The following CTBS variants were observed in gnomAD, a reference collection of about 807,000 sequenced individuals.
CTBS encodes the protein di-N-acetylchitobiase.
A neutral mutation model predicts 44.3 loss-of-function variants in CTBS; 35 were observed. The observed-to-expected ratio is 0.79, with a 90% CI of 0.60 to 1.05. The LOEUF (loss-of-function observed/expected upper bound fraction) is 1.05. CTBS is among the 50% of genes least tolerant of loss of function. CTBS has a pLI of 0.00. For missense variants in CTBS, 458 were observed against 475.3 expected (o/e 0.96, Z 0.34); for synonymous variants, 143 against 168.0 (o/e 0.85, Z 1.15).
At chr1:84,573,440 C>T (rs1647373591) in intron 1 of CTBS, among the ~76,000 whole-genome samples, 1 of 152,226 alleles carries the variant, frequency 6.6e-6, no homozygotes, top group Admixed American at 6.5e-5. Flanking sequence ...GCAGGTTCTC[C>T]ATAAACACTT....
intron 3 of CTBS, among the ~76,000 whole-genome samples, chr1:84,569,054 C>G (rs1403074655): frequency 6.6e-6 from 1 of 152,160 alleles, no homozygotes; most frequent in Non-Finnish European, 1.5e-5. Flanking sequence ...TCAGGTAATT[C>G]TGAGACAGGT....
intron 6 of CTBS, among the ~76,000 whole-genome samples, chr1:84,560,131 A>C (rs1684563776): frequency 6.7e-6 from 1 of 149,670 alleles, no homozygotes; most frequent in Non-Finnish European, 1.5e-5. Flanking sequence ...GAAAGAAAGA[A>C]AGGAAAGAAA....
intron 6 of CTBS, among the ~76,000 whole-genome samples, chr1:84,556,986 A>G (rs1394293946): frequency 5.3e-5 from 8 of 152,210 alleles, no homozygotes; most frequent in Non-Finnish European, 1.0e-4. Flanking sequence ...ATACCTTTGA[A>G]TTTTGCCATC....
At position 84,549,625 on chromosome 1, in the gene CTBS, T is replaced by C. The variant is rs920299318; in HGVS notation, c.*5374A>G. ...ACAGCCTTGAATCAGAGACATGAAG[T>C]TTATTTTATTATTAATTCCACCATA... On this transcript the variant is annotated 3_prime_UTR_variant, in exon 7 of 7. Transcript: ENST00000370630. 8 of 152,062 alleles carry C rather than the reference T, an allele frequency of 5.3e-5. No individual in the cohort carries two copies. The highest frequency in any genetic ancestry group is 1.9e-4 in the African/African-American group (8 of 41,384). 9.4% of individuals were successfully genotyped at this position (152,062 alleles called of 1,614,324 possible).
rs1570471656 is a variant in CTBS at position 84,563,436 on chromosome 1, C to T, written c.796-18G>A. ...ACATGATCCTAGAAATGCAAAAGTGCTCATGTTATATATTATCAATTATGC... is the reference window on the plus strand; with the variant it reads ...ACATGATCCTAGAAATGCAAAAGTGTTCATGTTATATATTATCAATTATGC... On this transcript the variant is annotated intron_variant, in intron 5 of 6. Transcript: ENST00000370630. The T allele has an allele frequency of 6.8e-7, 1 of 1,463,642 alleles. No homozygotes were observed. The highest frequency in any genetic ancestry group is 1.9e-4 in the Middle Eastern group (1 of 5,282). The allele number at this position is 1,463,642 out of a possible 1,614,324, so 90.7% of individuals were successfully genotyped here. A position where few individuals can be genotyped will look rare whatever the true frequency, so the allele number is the denominator to read the frequency against.
chr1:84,572,764 C>T (rs1647352212), intron 1 of CTBS, among the ~76,000 whole-genome samples: 1 of 151,784 alleles, frequency 6.6e-6, no homozygotes, highest in Non-Finnish European at 1.5e-5. Flanking sequence ...CCTCCCGCTC[C>T]GCCTCCCAGG....
chr1:84,565,224 C>A (rs550684137), intron 4 of CTBS, among the ~76,000 whole-genome samples: 43 of 150,462 alleles, frequency 2.9e-4, no homozygotes, highest in African/African-American at 1.0e-3. Flanking sequence ...AAAAAAAAAA[C>A]AAAAGAACAA....
chr1:84,572,724 G>A (rs1018873457), intron 1 of CTBS, among the ~76,000 whole-genome samples: 12 of 151,144 alleles, frequency 7.9e-5, no homozygotes, highest in African/African-American at 2.7e-4. Flanking sequence ...GGAGTGCAGT[G>A]GCGTGATCTT....
chr1:84,571,457 A>C (rs1647297136), intron 1 of CTBS, among the ~76,000 whole-genome samples: 1 of 152,256 alleles, frequency 6.6e-6, no homozygotes, highest in African/African-American at 2.4e-5. Flanking sequence ...TGTTTGGTGA[A>C]GCTAGCTTCT....
At position 84,550,906 on chromosome 1, in the gene CTBS, G is replaced by A. The variant is rs746092180; in HGVS notation, c.*4093C>T. The A allele has an allele frequency of 1.9e-5, 19 of 977,678 alleles. No homozygotes were observed. Among genetic ancestry groups the A allele is most frequent in the Non-Finnish European group, 2.3e-5 (19 of 823,048 alleles). The allele number at this position is 977,678 out of a possible 1,614,324, so 60.6% of individuals were successfully genotyped here. On this transcript the variant is annotated 3_prime_UTR_variant, in exon 7 of 7. Coordinates refer to ENST00000370630, the MANE Select transcript of CTBS (RefSeq NM_004388.3). The stretch of plus-strand genomic sequence containing the variant: ...GACATTTAATTTTTTATGGGTAATC[G>A]TTTCATTTTTTCTGGTTATTTTCAT...
At position 84,549,890 on chromosome 1, in the gene CTBS, C is replaced by A. The variant is rs1324057385; in HGVS notation, c.*5109G>T. On this transcript the variant is annotated 3_prime_UTR_variant, in exon 7 of 7. Coordinates refer to ENST00000370630, the MANE Select transcript of CTBS (RefSeq NM_004388.3). The stretch of plus-strand genomic sequence containing the variant: ...GTTGGTACTTTTTTTTTTAGCATAG[C>A]TTATACTTTATCTTACTGTTTAATC... 1 of 150,666 alleles carries A rather than the reference C, an allele frequency of 6.6e-6. No individual in the cohort carries two copies. Among genetic ancestry groups the A allele is most frequent in the Non-Finnish European group, 1.5e-5 (1 of 67,680 alleles). 9.3% of individuals were successfully genotyped at this position (150,666 alleles called of 1,614,324 possible). A position where few individuals can be genotyped will look rare whatever the true frequency, so the allele number is the denominator to read the frequency against.
Position 84,553,400 on chromosome 1 carries a change from A to G in CTBS, c.*1599T>C. ...TTTAATAATTTAATAATAAAATTCA[A>G]TAATAATTTATTTAACAATTTAAGA... On this transcript the variant is annotated 3_prime_UTR_variant, in exon 7 of 7. Coordinates refer to ENST00000370630, the MANE Select transcript of CTBS (RefSeq NM_004388.3). 1 of 155,630 alleles carries G rather than the reference A, an allele frequency of 6.4e-6. No individual in the cohort carries two copies. Among genetic ancestry groups the G allele is most frequent in the Middle Eastern group, 3.3e-3 (1 of 300 alleles). 9.6% of individuals were successfully genotyped at this position (155,630 alleles called of 1,614,324 possible). A position where few individuals can be genotyped will look rare whatever the true frequency, so the allele number is the denominator to read the frequency against.
intron 3 of CTBS, among the ~76,000 whole-genome samples, chr1:84,569,641 C>T (rs190027199): frequency 1.3e-5 from 2 of 152,276 alleles, no homozygotes; most frequent in Non-Finnish European, 1.5e-5. Flanking sequence ...GCTGGTTAGG[C>T]GCCCCCCTTG....
Position 84,554,270 on chromosome 1 carries a change from T to C in CTBS, c.*729A>G, listed in dbSNP as rs1337592290. Reference sequence around the variant, plus strand: ...CAGAATCAAGTTCAACTGCAAGTTATTCCTATTATTAAAAATTTTACAAAT... The same window carrying C: ...CAGAATCAAGTTCAACTGCAAGTTACTCCTATTATTAAAAATTTTACAAAT... On this transcript the variant is annotated 3_prime_UTR_variant, in exon 7 of 7. Coordinates refer to ENST00000370630, the MANE Select transcript of CTBS (RefSeq NM_004388.3). 1 of 152,228 alleles carries C rather than the reference T, an allele frequency of 6.6e-6. No individual in the cohort carries two copies. The highest frequency in any genetic ancestry group is 6.5e-5 in the Admixed American group (1 of 15,284). The allele number at this position is 152,228 out of a possible 1,614,324, so 9.4% of individuals were successfully genotyped here.
At chr1:84,573,908 T>C in intron 1 of CTBS, 1 of 1,190,260 alleles carries the variant, frequency 8.4e-7, no homozygotes, top group Non-Finnish European at 1.0e-6. Flanking sequence ...ATAAATGGAT[T>C]ATCCTACCTT....
chr1:84,558,724 G>A (rs1162206136), intron 6 of CTBS, among the ~76,000 whole-genome samples: 2 of 151,554 alleles, frequency 1.3e-5, no homozygotes, highest in Non-Finnish European at 2.9e-5. Context: ...AATATAGAAA[G>A]ACCCCGTCTC....
At position 84,551,310 on chromosome 1, in the gene CTBS, TA is replaced by T. The variant is rs1233263828; in HGVS notation, c.*3688del. Reference sequence around the variant, plus strand: ...ACTGCATTCTAGAATTAGCTCTTTTTAAAAAAATTTTAAAAAGAAAAAAGAA... The same window carrying T: ...ACTGCATTCTAGAATTAGCTCTTTTTAAAAAATTTTAAAAAGAAAAAAGAA... On this transcript the variant is annotated 3_prime_UTR_variant, in exon 7 of 7. Transcript: ENST00000370630. 2 of 970,660 alleles carry T rather than the reference TA, an allele frequency of 2.1e-6. No homozygotes were observed. The highest frequency in any genetic ancestry group is 1.1e-4 in the East Asian group (1 of 8,752). 60.1% of individuals were successfully genotyped at this position (970,660 alleles called of 1,614,324 possible). A position where few individuals can be genotyped will look rare whatever the true frequency, so the allele number is the denominator to read the frequency against.
chr1:84,571,918 CTACACCTCAGGAGAATTCTGA>C (rs2102032643), intron 1 of CTBS, among the ~76,000 whole-genome samples: 1 of 152,262 alleles, frequency 6.6e-6, no homozygotes, highest in Admixed American at 6.5e-5. Flanking sequence ...CCAAAGGTCG[CTACACCTCAGGAGAATTCTGA>C]GATTCTGGAA....
Position 84,551,401 on chromosome 1 carries a change from G to T in CTBS, c.*3598C>A. ...AATAAAATTTAAAAATAAAAAAATA[G>T]AATTAGCACTGTCCAACAGAACTTA... On this transcript the variant is annotated 3_prime_UTR_variant, in exon 7 of 7. Coordinates refer to ENST00000370630, the MANE Select transcript of CTBS (RefSeq NM_004388.3). 21 of 589,212 alleles carry T rather than the reference G, an allele frequency of 3.6e-5. No homozygotes were observed. The highest frequency in any genetic ancestry group is 4.5e-5 in the Non-Finnish European group (21 of 468,452). The allele number at this position is 589,212 out of a possible 1,614,324, so 36.5% of individuals were successfully genotyped here. A position where few individuals can be genotyped will look rare whatever the true frequency, so the allele number is the denominator to read the frequency against.
Sources: gnomAD v4.1 joint callset for allele counts (sites outside exome capture counted in the v4.1 genomes callset) on GRCh38, gnomAD v4.1.1 for gene constraint, MANE v1.5 for transcripts, NCBI Gene and HGNC (gene_info 2026-07-23, HGNC 2026-07-21) for gene names.